The following SLC12A7 variants were observed in gnomAD, a reference collection of about 807,000 sequenced individuals.
The protein encoded by SLC12A7 is solute carrier family 12 member 7, also known as K-Cl cotransporter 4.
SLC12A7 carries 100 observed loss-of-function variants against 120.6 expected under a neutral mutation model. The observed-to-expected ratio is 0.83, with a 90% CI of 0.71 to 0.98. SLC12A7 has a LOEUF of 0.98. Among genes scored for constraint, SLC12A7 ranks in the 50% least tolerant of loss-of-function variants. The probability of loss-of-function intolerance (pLI) is 0.00; values close to 1 mark genes in which losing one functional copy is unlikely to be tolerated. For missense variants in SLC12A7, 1,373 were observed against 1,548.1 expected, an observed-to-expected ratio of 0.89 and a Z score of 1.90; for synonymous variants, 760 against 678.0, an observed-to-expected ratio of 1.12 and a Z score of -1.88.
At chr5:1,088,572 C>T (rs1327030270) in intron 4 of SLC12A7, among the ~76,000 whole-genome samples, 1 of 152,156 alleles carries the variant, frequency 6.6e-6, no homozygotes, top group Admixed American at 6.5e-5. Flanking sequence ...TCCCCTATGA[C>T]AGCGACCCCT....
At chr5:1,154,304 C>A in the SLC12A7 span, among the ~76,000 whole-genome samples, 109 of 151,792 alleles carry the variant, frequency 7.2e-4, no homozygotes, top group African/African-American at 2.5e-3. Context: ...ACCACAGCTC[C>A]CACCACACCC....
At chr5:1,139,150 G>A in the SLC12A7 span, among the ~76,000 whole-genome samples, 1 of 152,250 alleles carries the variant, frequency 6.6e-6, no homozygotes, top group Non-Finnish European at 1.5e-5. Context: ...TCATCCCCAT[G>A]GGCGTAGCCC....
chr5:1,051,970 AGAATGTTCTGGATGG>A lies in SLC12A7; in HGVS notation c.*375_*389del. On this transcript the variant is annotated 3_prime_UTR_variant, in exon 24 of 24. Coordinates refer to ENST00000264930, the MANE Select transcript of SLC12A7 (RefSeq NM_006598.3). ...AGCTTCAGCTCCGGGTGCTCTTCCA[AGAATGTTCTGGATGG>A]GGTAGAAATGCAACCTAACCACTGG... 4.6e-6 allele frequency: 1 copy of A among 218,730 alleles called. No homozygotes were observed. Among genetic ancestry groups the A allele is most frequent in the Non-Finnish European group, 9.0e-6 (1 of 111,162 alleles). The allele number at this position is 218,730 out of a possible 1,614,324, so 13.5% of individuals were successfully genotyped here. A position where few individuals can be genotyped will look rare whatever the true frequency, so the allele number is the denominator to read the frequency against.
At chr5:1,106,086 G>A (rs1177303083) in intron 1 of SLC12A7, among the ~76,000 whole-genome samples, 9 of 152,228 alleles carry the variant, frequency 5.9e-5, no homozygotes, top group African/African-American at 2.2e-4. Flanking sequence ...ACCCAGCCAG[G>A]AACTGTGGTT....
intron 20 of SLC12A7, among the ~76,000 whole-genome samples, chr5:1,062,384 AACAAG>A (rs1192132369): frequency 1.3e-5 from 2 of 152,244 alleles, no homozygotes; most frequent in African/African-American, 4.8e-5. Context: ...GCCTCGTCCA[AACAAG>A]ACAAACTCCA....
the SLC12A7 span, among the ~76,000 whole-genome samples, chr5:1,135,089 T>G: frequency 6.6e-6 from 1 of 152,182 alleles, no homozygotes; most frequent in East Asian, 1.9e-4. Flanking sequence ...ATCTCACCAC[T>G]GCACCCCAGC....
chr5:1,056,548 C>T lies in SLC12A7; in HGVS notation c.3026+923G>A, dbSNP rs145511575. The T allele has an allele frequency of 4.3e-5, 42 of 982,834 alleles. No individual in the cohort carries two copies. The East Asian group carries it at 2.5e-3, about 59-fold the overall frequency. The allele number at this position is 982,834 out of a possible 1,614,324, so 60.9% of individuals were successfully genotyped here. ...CACAGGCATGCAGGGCAACCGGGCC[C>T]GGAAGGCGACCTGGTTGTAGCGAGT... On this transcript the variant is annotated intron_variant, in intron 22 of 23. Transcript: ENST00000264930.
intron 1 of SLC12A7, among the ~76,000 whole-genome samples, chr5:1,097,952 T>A (rs76423999): frequency 0.097 from 14,720 of 152,002 alleles, 1,089 homozygotes; most frequent in East Asian, 0.34. Context: ...AACGTTTCTA[T>A]CTGGTTAAAA....
chr5:1,076,959 G>C (rs557493192), intron 12 of SLC12A7, 147 bp from the exon 13 acceptor site: 2 of 644,326 alleles, frequency 3.1e-6, no homozygotes, highest in Non-Finnish European at 5.6e-6. Context: ...GACATCACGC[G>C]GCTGGCCTGG....
At position 1,057,471 on chromosome 5, in the gene SLC12A7, G is replaced by A. The variant is rs768609146; in HGVS notation, c.3026C>T (p.Pro1009Leu). 20 of 1,609,204 alleles carry A rather than the reference G, an allele frequency of 1.2e-5. No homozygotes were observed. The highest frequency in any genetic ancestry group is 3.3e-5 in the Admixed American group (2 of 59,806). ...SGFKDLFSMK[P>L]DQSNVRRMHT... is the part of the protein sequence containing the mutation. The stretch of plus-strand genomic sequence containing the variant: ...CCAGGCCACACGCACGGACACTCAC[G>A]GCTTCATGCTGAAGAGGTCTTTGAA... Residue 1009 changes from proline (P) to leucine (L), a missense_variant and splice_region_variant, in exon 22 of 24, where the codon CCG becomes CTG. By Grantham distance (98) the Pro-to-Leu change is moderately conservative. Transcript: ENST00000264930.
chr5:1,064,231 G>T lies in SLC12A7; in HGVS notation c.2459C>A (p.Ala820Asp), dbSNP rs1228508030. The T allele has an allele frequency of 6.2e-7, 1 of 1,611,736 alleles. No individual in the cohort carries two copies. Among genetic ancestry groups the T allele is most frequent in the African/African-American group, 1.3e-5 (1 of 75,042 alleles). Residue 820 changes from alanine (A) to aspartate (D), a missense_variant, in exon 19 of 24, where the codon GCC becomes GAC. Ala to Asp is a moderately radical substitution (Grantham distance 126). Transcript: ENST00000264930. ...GGCCACCAGCAGAGCCTGGTGCGCG[G>T]CGGTGGTGTCGCGGACGGTGTCTGC... is the stretch of plus-strand genomic sequence containing the variant. ...NFVDTVRDTT[A>D]AHQALLVAKN...
chr5:1,069,994 GC>G lies in SLC12A7; in HGVS notation c.2241+3638del, dbSNP rs1304757332. On this transcript the variant is annotated intron_variant, in intron 17 of 23. Transcript: ENST00000264930. ...AGCACACGGCATCACACTTAACGCA[GC>G]CCCCAGTGAGCCCCCAGCACACGGG... 1.0e-3 allele frequency among the ~76,000 whole-genome samples: 87 copies of G among 85,144 alleles called. 9 individuals are homozygous for G. The highest frequency in any genetic ancestry group is 3.5e-3 in the African/African-American group (82 of 23,134). The allele number at this position is 85,144 out of a possible 152,430, so 55.9% of individuals were successfully genotyped here.
intron 1 of SLC12A7, among the ~76,000 whole-genome samples, chr5:1,096,896 G>A (rs1433599485): frequency 2.8e-5 from 4 of 144,410 alleles, no homozygotes; most frequent in Non-Finnish European, 4.6e-5. Flanking sequence ...GAAGAAAGGA[G>A]GGAGGGAGGA....
rs746158878 is a variant in SLC12A7, at chr5:1,077,956, G to A, written c.1506C>T (p.Pro502=). Residue 502 remains proline (P), a synonymous_variant, in exon 12 of 24, where the codon CCC becomes CCT. Transcript: ENST00000264930. The part of the protein sequence containing the change: ...GNLVIGMLAW[P]SPWVIVIGSF... ...AGCCGATGACGATGACCCAGGGGGA[G>A]GGCCAGGCCAGCATGCCGATGACCA... 6.3e-7 allele frequency: 1 copy of A among 1,599,266 alleles called. No individual in the cohort carries two copies. The highest frequency in any genetic ancestry group is 8.5e-7 in the Non-Finnish European group (1 of 1,173,588).
At chr5:1,151,049 T>C in the SLC12A7 span, among the ~76,000 whole-genome samples, 4 of 152,344 alleles carry the variant, frequency 2.6e-5, no homozygotes, top group African/African-American at 7.2e-5. This position sits in a 1 kb window ranked among gnomAD's most constrained non-coding sequence, Gnocchi z 6.2. Context: ...CCTTGGGAGC[T>C]GGACGGAGAT....
chr5:1,126,961 C>T, the SLC12A7 span, among the ~76,000 whole-genome samples: 1 of 152,070 alleles, frequency 6.6e-6, no homozygotes, highest in Non-Finnish European at 1.5e-5. Context: ...CAGTTGGGAC[C>T]ACATCATGAA....
intron 1 of SLC12A7, among the ~76,000 whole-genome samples, chr5:1,103,028 C>A (rs943267451): frequency 6.6e-6 from 1 of 152,202 alleles, no homozygotes; most frequent in African/African-American, 2.4e-5. Flanking sequence ...CGAACGCCAG[C>A]TGACGACCCC....
intron 1 of SLC12A7, among the ~76,000 whole-genome samples, chr5:1,100,549 C>G (rs918928117): frequency 6.6e-6 from 1 of 152,208 alleles, no homozygotes; most frequent in Admixed American, 6.5e-5. Context: ...CTGGCTGGGG[C>G]GGGAAAGGAA....
upstream of SLC12A7, among the ~76,000 whole-genome samples, chr5:1,113,477 G>A (rs1451690270): frequency 6.6e-6 from 1 of 152,174 alleles, no homozygotes; most frequent in African/African-American, 2.4e-5. Flanking sequence ...ACTCTTCTGG[G>A]CAGAAGCTGT....
Sources: allele counts gnomAD v4.1 joint callset (sites outside exome capture counted in the v4.1 genomes callset), GRCh38; gene constraint gnomAD v4.1.1; non-coding constraint Gnocchi (gnomAD v3.1); transcripts MANE v1.5; gene names NCBI Gene and HGNC (gene_info 2026-07-23, HGNC 2026-07-21).